DOCK9: variants seen among roughly 807,000 people sequenced by gnomAD.
DOCK9 encodes dedicator of cytokinesis protein 9.
Under a neutral mutation model 263.3 loss-of-function variants are expected in DOCK9, and 89 were observed. That is an observed-to-expected ratio of 0.34 (90% CI 0.28 to 0.40). The LOEUF (loss-of-function observed/expected upper bound fraction) is 0.40, where lower values mean the gene tolerates loss of function less well. DOCK9 is among the 10% of genes least tolerant of loss of function. The pLI is 1.00. For synonymous variants in DOCK9, 976 were observed against 973.1 expected, an observed-to-expected ratio of 1.00 and a Z score of -0.06; for missense variants, 2,140 against 2,603.4, an observed-to-expected ratio of 0.82 and a Z score of 3.87.
chr13:99,025,655 T>C (rs1886620135), intron 1 of DOCK9, among the ~76,000 whole-genome samples: 1 of 152,232 alleles, frequency 6.6e-6, no homozygotes, highest in Admixed American at 6.5e-5. Flanking sequence ...GTTCTTCAGA[T>C]GGTTAAACCC....
At chr13:98,923,243 G>A (rs2052365561) in intron 5 of DOCK9, 59 bp downstream of exon 5, 14 of 1,511,840 alleles carry the variant, frequency 9.3e-6, no homozygotes, top group South Asian at 9.1e-5. Flanking sequence ...TTCTAAGTCT[G>A]TAAAATTGAT....
At chr13:98,819,368 G>T (rs2092117634) in intron 45 of DOCK9, among the ~76,000 whole-genome samples, 1 of 152,206 alleles carries the variant, frequency 6.6e-6, no homozygotes. Context: ...TGTCAATCTA[G>T]AAATTTCCAA....
intron 32 of DOCK9, among the ~76,000 whole-genome samples, chr13:98,862,333 T>C (rs1379336033): frequency 6.6e-6 from 1 of 152,110 alleles, no homozygotes; most frequent in Non-Finnish European, 1.5e-5. Flanking sequence ...ATATCTAAGA[T>C]GTAAGTTAAG....
At chr13:98,871,245 T>G (rs1405725765) in intron 27 of DOCK9, among the ~76,000 whole-genome samples, 1 of 152,164 alleles carries the variant, frequency 6.6e-6, no homozygotes. Flanking sequence ...TGAGGGTGGG[T>G]ATGTATCAAG....
At chr13:98,950,079 G>T in intron 2 of DOCK9, 1 of 465,646 alleles carries the variant, frequency 2.1e-6, no homozygotes, top group Non-Finnish European at 4.0e-6. Context: ...GGCTCTTTGG[G>T]GTGACTTTTA....
At chr13:98,818,825 C>T (rs1464425730) in intron 45 of DOCK9, among the ~76,000 whole-genome samples, 1 of 151,542 alleles carries the variant, frequency 6.6e-6, no homozygotes. Context: ...AAACAGCACA[C>T]TAACATTGTG....
At chr13:99,044,905 T>C (rs754004873) in intron 1 of DOCK9, among the ~76,000 whole-genome samples, 1 of 152,160 alleles carries the variant, frequency 6.6e-6, no homozygotes, top group Non-Finnish European at 1.5e-5. Context: ...GATTTTACCA[T>C]ACTGAGAGCA....
At chr13:99,015,633 T>C (rs1273146774) in intron 1 of DOCK9, 1 of 1,575,652 alleles carries the variant, frequency 6.3e-7, no homozygotes. Flanking sequence ...TGTTCAGTTT[T>C]TTAGCAATCT....
rs1436913940 is a variant in DOCK9, at chr13:98,946,101, G to A, written c.243+9334C>T. On this transcript the variant is annotated intron_variant, in intron 2 of 52. Transcript: ENST00000682017. ...ACAGACAGCGGATGGTGAGAGAGGC[G>A]GGCTGGGAGAAGGCCTGGGAGTAAA... 1.1e-4 allele frequency among the ~76,000 whole-genome samples: 17 copies of A among 152,278 alleles called. No homozygotes were observed. The South Asian group carries it at 2.1e-3, about 19-fold the overall frequency.
intron 45 of DOCK9, among the ~76,000 whole-genome samples, chr13:98,815,318 T>C (rs2140381513): frequency 6.6e-6 from 1 of 152,286 alleles, no homozygotes; most frequent in East Asian, 1.9e-4. Context: ...GGAAGACATA[T>C]TGTATAACAA....
chr13:98,955,381 TG>T, intron 2 of DOCK9, 53 bp downstream of exon 2: 1 of 1,197,638 alleles, frequency 8.3e-7, no homozygotes, highest in Non-Finnish European at 1.2e-6. Context: ...AGAAAAATAC[TG>T]CTTGTTAAGA....
chr13:99,004,797 A>G lies in DOCK9; in HGVS notation c.130-49246T>C, dbSNP rs1027383136. Among the ~76,000 whole-genome samples the G allele has an allele frequency of 3.6e-4, 54 of 151,114 alleles. 1 individual carries two copies. The highest frequency in any genetic ancestry group is 1.8e-3 in the Admixed American group (28 of 15,194). On this transcript the variant is annotated intron_variant, in intron 1 of 32. Coordinates refer to the DOCK9 transcript ENST00000427887. Reference sequence around the variant, plus strand: ...CAAAAAACTATAGACACACACACACACACACACACACACACACACACACAG... The same window carrying G: ...CAAAAAACTATAGACACACACACACGCACACACACACACACACACACACAG...
intron 1 of DOCK9, among the ~76,000 whole-genome samples, chr13:98,962,598 T>C (rs866134217): frequency 1.3e-5 from 2 of 150,452 alleles, no homozygotes; most frequent in African/African-American, 4.9e-5. Context: ...TAAATAGAGC[T>C]ATTCATATTA....
intron 1 of DOCK9, among the ~76,000 whole-genome samples, chr13:99,086,045 G>A (rs2042326342): frequency 2.0e-5 from 3 of 152,122 alleles, no homozygotes; most frequent in Admixed American, 2.0e-4. Context: ...AGCCCCTCCA[G>A]GACCTTCTCT....
chr13:98,966,146 G>A (rs2059166940), intron 1 of DOCK9, among the ~76,000 whole-genome samples: 1 of 152,242 alleles, frequency 6.6e-6, no homozygotes, highest in African/African-American at 2.4e-5. Flanking sequence ...AGGAGAGGAA[G>A]ACAAGACGGG....
chr13:99,055,886 A>C (rs1411631252), intron 1 of DOCK9, among the ~76,000 whole-genome samples: 1 of 151,882 alleles, frequency 6.6e-6, no homozygotes, highest in African/African-American at 2.4e-5. Context: ...GCCTATGATA[A>C]ATTCCTAGGC....
intron 39 of DOCK9, among the ~76,000 whole-genome samples, chr13:98,835,733 CTTTTTTTTTTTTT>C (rs142745340): frequency 7.6e-5 from 6 of 79,406 alleles, no homozygotes; most frequent in African/African-American, 1.8e-4. Context: ...CTTTACAACT[CTTTTTTTTTTTTT>C]TTTTTTTTTT....
chr13:99,006,419 A>G (rs1311741618), intron 1 of DOCK9, among the ~76,000 whole-genome samples: 2 of 152,228 alleles, frequency 1.3e-5, no homozygotes, highest in African/African-American at 4.8e-5. Flanking sequence ...GTCTTCTGTA[A>G]TCTCGATTTA....
chr13:99,024,464 G>T (rs79624091), intron 1 of DOCK9, among the ~76,000 whole-genome samples: 13,977 of 152,212 alleles, frequency 0.092, 916 homozygotes, highest in East Asian at 0.24. Flanking sequence ...GCATACAAAT[G>T]CACCCTTGAA....
Sources: gnomAD v4.1 joint callset for allele counts (sites outside exome capture counted in the v4.1 genomes callset) on GRCh38, gnomAD v4.1.1 for gene constraint, MANE v1.5 for transcripts, NCBI Gene and HGNC (gene_info 2026-07-23, HGNC 2026-07-21) for gene names.